SCN3B: variants seen among roughly 807,000 people sequenced by gnomAD.
SCN3B encodes sodium channel regulatory subunit beta-3.
Under a neutral mutation model 25.4 loss-of-function variants are expected in SCN3B, and 11 were observed. The ratio of observed to expected loss-of-function variants is 0.43; its 90% confidence interval spans 0.27 to 0.72. SCN3B has a LOEUF of 0.72. Among genes scored for constraint, SCN3B ranks in the 30% least tolerant of loss-of-function variants. The pLI is 0.18. For synonymous variants in SCN3B, 109 were observed against 110.7 expected (o/e 0.99, Z 0.09); for missense variants, 218 against 278.3 (o/e 0.78, Z 1.54).
intron 4 of SCN3B, among the ~76,000 whole-genome samples, chr11:123,641,447 T>TA (rs1220774816): frequency 1.3e-5 from 2 of 152,334 alleles, no homozygotes; most frequent in Non-Finnish European, 2.9e-5. Flanking sequence ...AACGACATGA[T>TA]AAAAAATGAA....
intron 5 of SCN3B, 37 bp from the exon 6 acceptor site, chr11:123,634,243 G>A: frequency 6.4e-7 from 1 of 1,573,972 alleles, no homozygotes; most frequent in Non-Finnish European, 8.7e-7. Context: ...CAGAGCTTCA[G>A]TGCCCAGCGT....
rs1217439911 is a variant in SCN3B, at chr11:123,633,267, T to A, written c.*532A>T. The A allele has an allele frequency of 6.6e-6, 1 of 152,280 alleles. No individual in the cohort carries two copies. The highest frequency in any genetic ancestry group is 1.5e-5 in the Non-Finnish European group (1 of 68,088). The allele number at this position is 152,280 out of a possible 1,614,324, so 9.4% of individuals were successfully genotyped here. A position where few individuals can be genotyped will look rare whatever the true frequency, so the allele number is the denominator to read the frequency against. ...GAGAACCTAGACAGGCGTGCTTCAC[T>A]CTGATGCTGTAGCAAAGTGGGCCAT... is the stretch of plus-strand genomic sequence containing the variant. On this transcript the variant is annotated 3_prime_UTR_variant, in exon 7 of 7. Transcript: ENST00000299333.
rs72552170 is a variant in SCN3B, at chr11:123,642,996, G to T, written c.220-325C>A. Among the ~76,000 whole-genome samples the T allele has an allele frequency of 3.9e-5, 6 of 152,112 alleles. No homozygotes were observed. The highest frequency in any genetic ancestry group is 7.3e-5 in the Non-Finnish European group (5 of 68,030). On this transcript the variant is annotated intron_variant, in intron 3 of 6. Coordinates refer to ENST00000299333, the MANE Select transcript of SCN3B (RefSeq NM_001040151.2). This position sits in a 1 kb window ranked among gnomAD's most constrained non-coding sequence, Gnocchi z 4.3. ...GGAAAGAGGGAGAACAAAGGCAGGC[G>T]GGAGAAGAGTATGGGAGCCCAGGAG...
chr11:123,644,694 C>A (rs769512252), intron 3 of SCN3B, among the ~76,000 whole-genome samples: 2 of 150,008 alleles, frequency 1.3e-5, no homozygotes, highest in Non-Finnish European at 3.0e-5. Flanking sequence ...TCGCTTGAAT[C>A]TGGGAGGTGG....
chr11:123,643,708 C>A (rs567953496), intron 3 of SCN3B, among the ~76,000 whole-genome samples: 1 of 152,300 alleles, frequency 6.6e-6, no homozygotes, highest in South Asian at 2.1e-4. Context: ...TCTGATCCAC[C>A]TTTTCCTCAC....
chr11:123,652,362 G>A (rs1565499193), intron 2 of SCN3B, among the ~76,000 whole-genome samples: 1 of 152,184 alleles, frequency 6.6e-6, no homozygotes, highest in Non-Finnish European at 1.5e-5. Context: ...CTTTGGGGCT[G>A]ACATTACCTC....
Position 123,642,733 on chromosome 11 carries a change from G to T in SCN3B, c.220-62C>A. 1 of 1,283,916 alleles carries T rather than the reference G, an allele frequency of 7.8e-7. No homozygotes were observed. Among genetic ancestry groups the T allele is most frequent in the Non-Finnish European group, 1.1e-6 (1 of 890,202 alleles). 79.5% of individuals were successfully genotyped at this position (1,283,916 alleles called of 1,614,324 possible). On this transcript the variant is annotated intron_variant, in intron 3 of 6. Transcript: ENST00000299333. The surrounding 1 kb of genome is among the most constrained non-coding windows in gnomAD (Gnocchi z 4.3). ...AAGGAGATGGCAGTGGGGGGAAGCC[G>T]AGTTAGGGACAGGGCAGAGAAAAGG...
chr11:123,638,169 G>C lies in SCN3B; in HGVS notation c.584+17C>G. On this transcript the variant is annotated intron_variant, in intron 5 of 6. Coordinates refer to ENST00000299333, the MANE Select transcript of SCN3B (RefSeq NM_001040151.2). Reference sequence around the variant, plus strand: ...AGGTGCTAGCTTTCATTATTACTTTGGCATCTCTGGACTTACGCGTTTTCT... The same window carrying C: ...AGGTGCTAGCTTTCATTATTACTTTCGCATCTCTGGACTTACGCGTTTTCT... 1 of 1,613,830 alleles carries C rather than the reference G, an allele frequency of 6.2e-7. No individual in the cohort carries two copies. The highest frequency in any genetic ancestry group is 8.5e-7 in the Non-Finnish European group (1 of 1,179,946).
At chr11:123,653,353 C>A (rs1955953584) in intron 2 of SCN3B, among the ~76,000 whole-genome samples, 2 of 146,528 alleles carry the variant, frequency 1.4e-5, no homozygotes. Flanking sequence ...TATACAGAAA[C>A]GAATTTGAAG....
At chr11:123,649,728 A>T (rs1955901417) in intron 2 of SCN3B, among the ~76,000 whole-genome samples, 3 of 116,706 alleles carry the variant, frequency 2.6e-5, no homozygotes, top group South Asian at 2.6e-4. Context: ...TTTTAGATGG[A>T]GTTTCACTCT....
At chr11:123,646,957 A>G (rs1029499510) in intron 2 of SCN3B, among the ~76,000 whole-genome samples, 1 of 152,218 alleles carries the variant, frequency 6.6e-6, no homozygotes, top group Admixed American at 6.5e-5. Context: ...GGTGAGGAAA[A>G]AATGGGAGAA....
At chr11:123,651,191 A>G (rs986727867) in intron 2 of SCN3B, among the ~76,000 whole-genome samples, 1 of 151,966 alleles carries the variant, frequency 6.6e-6, no homozygotes, top group African/African-American at 2.4e-5. Context: ...AAAGGAAATA[A>G]GGAAACTTTT....
In SCN3B at chr11:123,629,207, A is replaced by C. The variant is rs998387581; in HGVS notation, c.*4592T>G. On this transcript the variant is annotated 3_prime_UTR_variant, in exon 7 of 7. Transcript: ENST00000299333. ...AGACAGTGGTTTTCAGGGATACTTT[A>C]TTGACATGAACAAGGAGTTTACTGA... The C allele has an allele frequency of 1.3e-5, 2 of 152,244 alleles. No individual in the cohort carries two copies. The highest frequency in any genetic ancestry group is 4.8e-5 in the African/African-American group (2 of 41,472). 9.4% of individuals were successfully genotyped at this position (152,244 alleles called of 1,614,324 possible). A position where few individuals can be genotyped will look rare whatever the true frequency, so the allele number is the denominator to read the frequency against.
intron 4 of SCN3B, chr11:123,640,048 A>G (rs1216145555): frequency 1.3e-5 from 2 of 152,156 alleles, no homozygotes; most frequent in Admixed American, 6.6e-5. Context: ...TTGGTTGTTA[A>G]GAGCACAGCA....
chr11:123,645,469 G>T, intron 3 of SCN3B, 118 bp downstream of exon 3: 1 of 1,053,128 alleles, frequency 9.5e-7, no homozygotes, highest in Non-Finnish European at 1.5e-6. Context: ...GGATCTGTCA[G>T]TGTTTGGAAG....
rs1166476038 is a variant in SCN3B at position 123,642,122 on chromosome 11, C to T, written c.445+324G>A. Among the ~76,000 whole-genome samples, 5 of 152,146 alleles carry T rather than the reference C, an allele frequency of 3.3e-5. No individual in the cohort carries two copies. The highest frequency in any genetic ancestry group is 3.3e-4 in the Admixed American group (5 of 15,280). ...CACTGAGTCAGGGATTCAACATAGG[C>T]CAAAGAAGAAGGCCTAGCTGAATCA... is the stretch of plus-strand genomic sequence containing the variant. On this transcript the variant is annotated intron_variant, in intron 4 of 6. Transcript: ENST00000299333. The surrounding 1 kb of genome is among the most constrained non-coding windows in gnomAD (Gnocchi z 4.3).
At chr11:123,653,569 G>A (rs186483758) in intron 2 of SCN3B, among the ~76,000 whole-genome samples, 178 bp downstream of exon 2, 31 of 152,006 alleles carry the variant, frequency 2.0e-4, no homozygotes, top group Non-Finnish European at 3.7e-4. Context: ...GTGGGGAGGC[G>A]CCTTTCCCAT....
chr11:123,642,693 AG>A lies in SCN3B; in HGVS notation c.220-23del. ...AAATCTGCAGATAGAGGAGCAGAAG[AG>A]GGTAGGGCCAGGAAAGGAGATGGCA... On this transcript the variant is annotated intron_variant, in intron 3 of 6. Coordinates refer to ENST00000299333, the MANE Select transcript of SCN3B (RefSeq NM_001040151.2). The surrounding 1 kb of genome is among the most constrained non-coding windows in gnomAD (Gnocchi z 4.3). 6.3e-7 allele frequency: 1 copy of A among 1,595,796 alleles called. No individual in the cohort carries two copies.
At chr11:123,635,641 G>A (rs970355505) in intron 5 of SCN3B, among the ~76,000 whole-genome samples, 7 of 151,436 alleles carry the variant, frequency 4.6e-5, no homozygotes, top group South Asian at 4.2e-4. Context: ...AGCCGAGATC[G>A]CGCCACTGCA....
Sources: gnomAD v4.1 joint callset for allele counts (sites outside exome capture counted in the v4.1 genomes callset) on GRCh38, gnomAD v4.1.1 for gene constraint, Gnocchi (gnomAD v3.1) non-coding constraint, MANE v1.5 for transcripts, NCBI Gene and HGNC (gene_info 2026-07-23, HGNC 2026-07-21) for gene names.